The following DNMT3A variants were observed in gnomAD, a reference collection of about 807,000 sequenced individuals.
The protein encoded by DNMT3A is DNA (cytosine-5)-methyltransferase 3A.
In DNMT3A, 267 loss-of-function variants were observed where a neutral mutation model predicts 117.6. The observed-to-expected ratio is 2.27, with a 90% CI of 2.05 to 2.51. The LOEUF (loss-of-function observed/expected upper bound fraction) is 2.51, where lower values mean the gene tolerates loss of function less well. Ranked by LOEUF, DNMT3A falls within the 30% of genes most tolerant of loss-of-function variation. The pLI is 0.00. For missense variants in DNMT3A, 1,029 were observed against 1,260.2 expected, an observed-to-expected ratio of 0.82 and a Z score of 2.78; for synonymous variants, 432 against 474.8, an observed-to-expected ratio of 0.91 and a Z score of 1.17.
rs1675715754 is a variant in DNMT3A at position 25,252,572 on chromosome 2, G to T, written c.640-4320C>A. Among the ~76,000 whole-genome samples, 1 of 151,708 alleles carries T rather than the reference G, an allele frequency of 6.6e-6. No individual in the cohort carries two copies. Among genetic ancestry groups the T allele is most frequent in the South Asian group, 2.1e-4 (1 of 4,806 alleles). Reference sequence around the variant, plus strand: ...GCTGCAGGGAGCGCCCCGCCTTCGGGAAGACCGCCTGGCCCCTCCCCCAGC... The same window carrying T: ...GCTGCAGGGAGCGCCCCGCCTTCGGTAAGACCGCCTGGCCCCTCCCCCAGC... On this transcript the variant is annotated intron_variant, in intron 6 of 22. Coordinates refer to ENST00000321117, the MANE Select transcript of DNMT3A (RefSeq NM_022552.5). The surrounding 1 kb of genome is among the most constrained non-coding windows in gnomAD (Gnocchi z 5.5).
rs2031332746 is a variant in DNMT3A, at chr2:25,275,519, A to T, written c.473T>A (p.Ile158Asn). Reference protein sequence around the residue: ...EAGKEQKETNIESMKMEGSRG... With the variant: ...EAGKEQKETNNESMKMEGSRG... ...ACTTGCCTCCATTTTCATGGATTCG[A>T]TGTTGGTCTCCTTCTGTTCTTTGCC... The change falls in exon 5 of 23, where the codon ATC (isoleucine) becomes AAC (asparagine). Residue 158 changes from isoleucine (I) to asparagine (N), a missense_variant. Transcript: ENST00000321117. The T allele has an allele frequency of 1.9e-6, 3 of 1,585,836 alleles. No individual in the cohort carries two copies. Among genetic ancestry groups the T allele is most frequent in the Non-Finnish European group, 2.6e-6 (3 of 1,171,026 alleles).
At chr2:25,317,591 A>G (rs546655976) in intron 1 of DNMT3A, among the ~76,000 whole-genome samples, 2 of 152,356 alleles carry the variant, frequency 1.3e-5, no homozygotes, top group African/African-American at 4.8e-5. Context: ...GCTGAGTGAG[A>G]GTAGTGAATT....
intron 6 of DNMT3A, among the ~76,000 whole-genome samples, chr2:25,264,725 G>A (rs1477617579): frequency 6.6e-6 from 1 of 152,072 alleles, no homozygotes. Flanking sequence ...GCCTCCCAAA[G>A]TGCTGGGATT....
At chr2:25,245,910 C>A in intron 12 of DNMT3A, 110 bp downstream of exon 12, 1 of 1,338,080 alleles carries the variant, frequency 7.5e-7, no homozygotes, top group Non-Finnish European at 1.1e-6. Context: ...GGTGGTGTGA[C>A]ACGCAGGACG....
intron 1 of DNMT3A, among the ~76,000 whole-genome samples, chr2:25,334,529 A>AT (rs1421123300): frequency 6.6e-6 from 1 of 152,192 alleles, no homozygotes; most frequent in African/African-American, 2.4e-5. Flanking sequence ...CCCAGGAACC[A>AT]TTTGGGCCAC....
In DNMT3A at chr2:25,302,730, T is replaced by C. The variant is rs2033588563; in HGVS notation, c.73-2487A>G. Among the ~76,000 whole-genome samples, 3 of 152,312 alleles carry C rather than the reference T, an allele frequency of 2.0e-5. No homozygotes were observed. The East Asian group carries it at 5.8e-4, about 29-fold the overall frequency. On this transcript the variant is annotated intron_variant, in intron 2 of 22. Transcript: ENST00000321117. ...TCACACAGAGAGGACGTATTGCCAG[T>C]GCAGCTTAGTATTTGTGAAGGTTCT...
chr2:25,275,585 C>G (rs765085069), intron 4 of DNMT3A, 42 bp from the exon 5 acceptor site: 7 of 1,546,212 alleles, frequency 4.5e-6, no homozygotes, highest in East Asian at 5.0e-5. Context: ...CGTTGGTCGG[C>G]AGAATTACTG....
intron 5 of DNMT3A, 110 bp downstream of exon 5, chr2:25,275,390 T>C (rs558223494): frequency 1.4e-6 from 2 of 1,425,210 alleles, no homozygotes; most frequent in East Asian, 2.4e-5. Flanking sequence ...CACAGAGGGA[T>C]GTGTAAAGAA....
Position 25,236,158 on chromosome 2 carries a change from C to T in DNMT3A, c.2479-333G>A, listed in dbSNP as rs898049200. 1.3e-5 allele frequency among the ~76,000 whole-genome samples: 2 copies of T among 152,206 alleles called. No individual in the cohort carries two copies. Among genetic ancestry groups the T allele is most frequent in the South Asian group, 2.1e-4 (1 of 4,810 alleles). On this transcript the variant is annotated intron_variant, in intron 21 of 22. Transcript: ENST00000321117. The surrounding 1 kb of genome is among the most constrained non-coding windows in gnomAD (Gnocchi z 4.5). Reference sequence around the variant, plus strand: ...TCAGCTCACTGTAACCTCCACCTCCCGGGTTCAAGCGATTCTAATGCCTCA... The same window carrying T: ...TCAGCTCACTGTAACCTCCACCTCCTGGGTTCAAGCGATTCTAATGCCTCA...
rs1300251708 is a variant in DNMT3A at position 25,254,036 on chromosome 2, C to A, written c.640-5784G>T. ...GCAGTGAGCCGAGATCATGCCACTG[C>A]ACTCCAGCCTGGGCAACAGAGCGAG... On this transcript the variant is annotated intron_variant, in intron 6 of 22. Transcript: ENST00000321117. This position sits in a 1 kb window ranked among gnomAD's most constrained non-coding sequence, Gnocchi z 4.7. 6.6e-6 allele frequency among the ~76,000 whole-genome samples: 1 copy of A among 150,396 alleles called. No individual in the cohort carries two copies. The highest frequency in any genetic ancestry group is 1.5e-5 in the Non-Finnish European group (1 of 67,828).
At position 25,246,761 on chromosome 2, in the gene DNMT3A, CG is replaced by C; in HGVS notation, c.1137del (p.Ala380ArgfsTer27). ...TGGCACACCGGGAACAGCTTCCCCG[CG>C]CGGCTGCTGGCCACCTGGAGGGTGA... ...IYEVLQVASS[R>X]AGKLFPVCHD... On this transcript the variant is annotated frameshift_variant, in exon 10 of 23. Transcript: ENST00000321117. LOFTEE classifies it high-confidence loss of function. 1 of 1,613,602 alleles carries C rather than the reference CG, an allele frequency of 6.2e-7. No individual in the cohort carries two copies. Among genetic ancestry groups the C allele is most frequent in the Non-Finnish European group, 8.5e-7 (1 of 1,179,996 alleles).
rs1204581523 is a variant in DNMT3A at position 25,247,249 on chromosome 2, A to G, written c.1015-91T>C. On this transcript the variant is annotated intron_variant, in intron 8 of 22. Transcript: ENST00000321117. The surrounding 1 kb of genome is among the most constrained non-coding windows in gnomAD (Gnocchi z 5.6). ...CAACTGGCAGGGGCTGGGAGCCTCGAGAGTCAGTCTCAGCCCTGGAGGGGA... is the reference window on the plus strand; with the variant it reads ...CAACTGGCAGGGGCTGGGAGCCTCGGGAGTCAGTCTCAGCCCTGGAGGGGA... The G allele has an allele frequency of 3.1e-6, 4 of 1,310,554 alleles. No individual in the cohort carries two copies. The African/African-American group carries it at 5.8e-5, about 19-fold the overall frequency. 81.2% of individuals were successfully genotyped at this position (1,310,554 alleles called of 1,614,324 possible).
intron 2 of DNMT3A, among the ~76,000 whole-genome samples, chr2:25,307,108 A>G: frequency 6.6e-6 from 1 of 152,224 alleles, no homozygotes; most frequent in Admixed American, 6.5e-5. Flanking sequence ...AATCATGATG[A>G]CAGAATGAGT....
At position 25,239,157 on chromosome 2, in the gene DNMT3A, A is replaced by C; in HGVS notation, c.2381T>G (p.Phe794Cys). The stretch of plus-strand genomic sequence containing the variant: ...GTTCATACCGGGAAGGTTACCCCAG[A>C]AGTAGCGGGCCCTGTGTGCAGCTGA... Reference protein sequence around the residue: ...EVSAAHRARYFWGNLPGMNRP... With the variant: ...EVSAAHRARYCWGNLPGMNRP... Residue 794 changes from phenylalanine (F) to cysteine (C), a missense_variant, in exon 20 of 23, where the codon TTC becomes TGC. By Grantham distance (205) the Phe-to-Cys change is radical. Coordinates refer to ENST00000321117, the MANE Select transcript of DNMT3A (RefSeq NM_022552.5). 6.2e-7 allele frequency: 1 copy of C among 1,614,088 alleles called. No individual in the cohort carries two copies. The highest frequency in any genetic ancestry group is 8.5e-7 in the Non-Finnish European group (1 of 1,179,958).
intron 2 of DNMT3A, among the ~76,000 whole-genome samples, chr2:25,302,589 C>A (rs920235930): frequency 6.6e-6 from 1 of 152,158 alleles, no homozygotes; most frequent in Non-Finnish European, 1.5e-5. Context: ...GGAGCAAACT[C>A]GCGGGAGCCT....
chr2:25,240,184 C>T lies in DNMT3A; in HGVS notation c.2322+118G>A, dbSNP rs115956315. 7.9e-4 allele frequency: 1,154 copies of T among 1,457,086 alleles called. 9 individuals carry two copies. The African/African-American group carries it at 0.015, about 18-fold the overall frequency. The allele number at this position is 1,457,086 out of a possible 1,614,324, so 90.3% of individuals were successfully genotyped here. Reference sequence around the variant, plus strand: ...GAAGCCTGGGGCTTCCCAAACAGGCCCCTTGCAAAGCAGAAGTCACCAGTC... The same window carrying T: ...GAAGCCTGGGGCTTCCCAAACAGGCTCCTTGCAAAGCAGAAGTCACCAGTC... On this transcript the variant is annotated intron_variant, in intron 19 of 22. Coordinates refer to ENST00000321117, the MANE Select transcript of DNMT3A (RefSeq NM_022552.5).
In DNMT3A at chr2:25,236,905, C is replaced by G; in HGVS notation, c.2478+31G>C. ...ATCCTGCCCTTCCTTCTCCCTGCCC[C>G]CCAGCAGAGGTTCTAGACGCTGGAG... On this transcript the variant is annotated intron_variant, in intron 21 of 22. Transcript: ENST00000321117. This position sits in a 1 kb window ranked among gnomAD's most constrained non-coding sequence, Gnocchi z 4.5. 2 of 1,602,884 alleles carry G rather than the reference C, an allele frequency of 1.2e-6. No homozygotes were observed. The highest frequency in any genetic ancestry group is 1.1e-5 in the South Asian group (1 of 88,736).
In DNMT3A at chr2:25,247,909, G is replaced by C. The variant is rs1028112448; in HGVS notation, c.855+128C>G. The C allele has an allele frequency of 1.3e-6, 2 of 1,513,112 alleles. No individual in the cohort carries two copies. The highest frequency in any genetic ancestry group is 1.4e-5 in the African/African-American group (1 of 71,468). 93.7% of individuals were successfully genotyped at this position (1,513,112 alleles called of 1,614,324 possible). ...GACAGAGCAAAATCGGGGAGACGAAGAGGCCCGGGGTCAGGTGGAGAGAGC... is the reference window on the plus strand; with the variant it reads ...GACAGAGCAAAATCGGGGAGACGAACAGGCCCGGGGTCAGGTGGAGAGAGC... On this transcript the variant is annotated intron_variant, in intron 7 of 22. Coordinates refer to ENST00000321117, the MANE Select transcript of DNMT3A (RefSeq NM_022552.5). The surrounding 1 kb of genome is among the most constrained non-coding windows in gnomAD (Gnocchi z 5.6).
At chr2:25,264,405 G>C (rs2030055589) in intron 6 of DNMT3A, among the ~76,000 whole-genome samples, 1 of 151,728 alleles carries the variant, frequency 6.6e-6, no homozygotes, top group Admixed American at 6.6e-5. Flanking sequence ...CTCCCACAGT[G>C]TTGGGATTAC....
Sources: allele counts gnomAD v4.1 joint callset (sites outside exome capture counted in the v4.1 genomes callset), GRCh38; gene constraint gnomAD v4.1.1; non-coding constraint Gnocchi (gnomAD v3.1); transcripts MANE v1.5; gene names NCBI Gene and HGNC (gene_info 2026-07-23, HGNC 2026-07-21).